The following MTERF4 variants were observed in gnomAD, a reference collection of about 807,000 sequenced individuals.
The protein encoded by MTERF4 is mitochondrial transcription termination factor 4, also known as transcription termination factor 4, mitochondrial.
Under a neutral mutation model 22.5 loss-of-function variants are expected in MTERF4, and 17 were observed. The observed-to-expected ratio is 0.75, with a 90% CI of 0.52 to 1.13. The LOEUF (loss-of-function observed/expected upper bound fraction) is 1.13. Ranked by LOEUF, MTERF4 falls within the 50% of genes most tolerant of loss-of-function variation. MTERF4 has a pLI of 0.00. For missense variants in MTERF4, 420 were observed against 466.8 expected (o/e 0.90, Z 0.92); for synonymous variants, 165 against 175.3 (o/e 0.94, Z 0.47).
chr2:241,062,772 T>C, the MTERF4 span: 81 of 1,571,818 alleles, frequency 5.2e-5, no homozygotes, highest in Non-Finnish European at 6.9e-5. Flanking sequence ...TGCTTTATTC[T>C]TGGGCTCTCT....
exon 5 of MTERF4, chr2:241,072,647 G>T (rs963868363): frequency 8.9e-6 from 2 of 225,026 alleles, no homozygotes; most frequent in East Asian, 2.6e-4. Flanking sequence ...GGTCCCTGCC[G>T]CACGGTGAGC....
chr2:241,079,583 T>G (rs1231868845), intron 4 of MTERF4, among the ~76,000 whole-genome samples: 6 of 152,112 alleles, frequency 3.9e-5, no homozygotes, highest in Non-Finnish European at 7.4e-5. Flanking sequence ...GGACTGGAGA[T>G]CGGCGAGGCT....
chr2:241,089,815 C>T (rs1046610237), downstream of MTERF4, among the ~76,000 whole-genome samples: 41 of 152,280 alleles, frequency 2.7e-4, no homozygotes, highest in Non-Finnish European at 5.9e-5. Context: ...GATGGCACCG[C>T]GTACTGCGCA....
chr2:241,077,570 A>G (rs1301847589), intron 4 of MTERF4, among the ~76,000 whole-genome samples: 1 of 152,162 alleles, frequency 6.6e-6, no homozygotes, highest in Non-Finnish European at 1.5e-5. Flanking sequence ...AACAATAAAA[A>G]GACAAACAAC....
At chr2:241,084,651 ATCT>A (rs1263476692), downstream of MTERF4, among the ~76,000 whole-genome samples, 2 of 152,196 alleles carry the variant, frequency 1.3e-5, no homozygotes, top group African/African-American at 4.8e-5. Flanking sequence ...CTCAAAAATT[ATCT>A]TGTTTTAGAT....
chr2:241,067,148 C>T, the MTERF4 span, among the ~76,000 whole-genome samples: 1 of 152,156 alleles, frequency 6.6e-6, no homozygotes, highest in African/African-American at 2.4e-5. Flanking sequence ...GTTGGGGCTC[C>T]AGCCAGCCAT....
chr2:241,063,838 A>AGGGAGGGGTGGAGGTGAGGGTGCTG, the MTERF4 span: 66 of 478,032 alleles, frequency 1.4e-4, no homozygotes, highest in Non-Finnish European at 2.0e-4. Context: ...CCACCTTGGG[A>AGGGAGGGGTGGAGGTGAGGGTGCTG]GGGAGGGGTG....
chr2:241,085,758 T>C (rs1370161620), downstream of MTERF4, among the ~76,000 whole-genome samples: 1 of 152,074 alleles, frequency 6.6e-6, no homozygotes, highest in Non-Finnish European at 1.5e-5. Flanking sequence ...ATTATCTGAG[T>C]ATAGTTTGAT....
At chr2:241,070,084 T>C, downstream of MTERF4, 2 of 1,613,068 alleles carry the variant, frequency 1.2e-6, no homozygotes, top group Non-Finnish European at 1.7e-6. Context: ...GAAGCTGGCG[T>C]CCTACACGGT....
chr2:241,053,410 G>A, the MTERF4 span: 3 of 1,394,952 alleles, frequency 2.2e-6, no homozygotes, highest in South Asian at 2.7e-5. Flanking sequence ...AGGGGCTGCA[G>A]GCCCAAGCCT....
At chr2:241,069,605 C>G (rs1401581443), downstream of MTERF4, among the ~76,000 whole-genome samples, 1 of 152,208 alleles carries the variant, frequency 6.6e-6, no homozygotes, top group African/African-American at 2.4e-5. This position sits in a 1 kb window ranked among gnomAD's most constrained non-coding sequence, Gnocchi z 4.9. Context: ...CTGCACAGGG[C>G]TCCACGCAGC....
downstream of MTERF4, chr2:241,069,084 C>T: frequency 1.7e-6 from 2 of 1,181,650 alleles, no homozygotes; most frequent in Non-Finnish European, 2.4e-6. The surrounding 1 kb of genome is among the most constrained non-coding windows in gnomAD (Gnocchi z 4.9). Context: ...CTCTGGCTTC[C>T]TTCCAGCCTC....
chr2:241,074,735 G>A (rs977949466), exon 5 of MTERF4: 3 of 152,150 alleles, frequency 2.0e-5, no homozygotes, highest in Non-Finnish European at 4.4e-5. Context: ...ATGATCTTTG[G>A]TTCATGTTGC....
chr2:241,053,493 G>A, the MTERF4 span, among the ~76,000 whole-genome samples: 5 of 152,260 alleles, frequency 3.3e-5, no homozygotes, highest in African/African-American at 1.2e-4. Flanking sequence ...ACCTTGGGGT[G>A]ACAGTGGTGA....
At chr2:241,053,456 CCCT>C in the MTERF4 span, 1 of 878,820 alleles carries the variant, frequency 1.1e-6, no homozygotes, top group Non-Finnish European at 1.7e-6. Context: ...GCCCCTGCTC[CCCT>C]CAGTCTCCTG....
downstream of MTERF4, chr2:241,070,000 G>A: frequency 6.2e-7 from 1 of 1,612,988 alleles, no homozygotes; most frequent in Admixed American, 1.7e-5. The surrounding 1 kb of genome is among the most constrained non-coding windows in gnomAD (Gnocchi z 4.9). Context: ...CCCGACTCCA[G>A]GCAGCTTGCT....
chr2:241,043,427 T>C, the MTERF4 span, among the ~76,000 whole-genome samples: 183 of 152,234 alleles, frequency 1.2e-3, 1 homozygote, highest in African/African-American at 4.3e-3. Context: ...ATTTCAAAAG[T>C]TAAGCTGAAA....
chr2:241,076,905 C>T (rs1300125349), intron 4 of MTERF4, among the ~76,000 whole-genome samples: 1 of 152,138 alleles, frequency 6.6e-6, no homozygotes, highest in Non-Finnish European at 1.5e-5. Flanking sequence ...TGGTGAAACC[C>T]CGTCTCTACT....
the MTERF4 span, chr2:241,051,713 C>T: frequency 2.4e-5 from 35 of 1,440,896 alleles, no homozygotes; most frequent in East Asian, 1.8e-4. This position sits in a 1 kb window ranked among gnomAD's most constrained non-coding sequence, Gnocchi z 4.7. Flanking sequence ...AGCCTGGCCC[C>T]GTTCATCTGC....
Sources: allele counts gnomAD v4.1 joint callset (sites outside exome capture counted in the v4.1 genomes callset), GRCh38; gene constraint gnomAD v4.1.1; non-coding constraint Gnocchi (gnomAD v3.1); transcripts MANE v1.5; gene names NCBI Gene and HGNC (gene_info 2026-07-23, HGNC 2026-07-21).